LRRC74A: variants seen among roughly 807,000 people sequenced by gnomAD.
The protein encoded by LRRC74A is leucine rich repeat containing 74A, also known as leucine-rich repeat-containing protein 74A.
In LRRC74A, 44 loss-of-function variants were observed where a neutral mutation model predicts 57.9. The ratio of observed to expected loss-of-function variants is 0.76; its 90% CI spans 0.60 to 0.98. The LOEUF is 0.98. Among genes scored for constraint, LRRC74A ranks in the 50% least tolerant of loss-of-function variants. LRRC74A has a pLI of 0.00. For synonymous variants in LRRC74A, 211 were observed against 219.4 expected (o/e 0.96, Z 0.34); for missense variants, 572 against 574.0 (o/e 1.00, Z 0.04).
chr14:76,847,866 ACT>A (rs1206128685), intron 7 of LRRC74A, among the ~76,000 whole-genome samples: 1 of 151,746 alleles, frequency 6.6e-6, no homozygotes, highest in Admixed American at 6.6e-5. Context: ...AGTGAGACCC[ACT>A]CTCTACAAAA....
At chr14:76,845,144 G>A (rs780824908) in intron 7 of LRRC74A, among the ~76,000 whole-genome samples, 2 of 152,042 alleles carry the variant, frequency 1.3e-5, no homozygotes, top group Non-Finnish European at 2.9e-5. Flanking sequence ...GGCAACACAG[G>A]GACACCCTGT....
intron 13 of LRRC74A, among the ~76,000 whole-genome samples, chr14:76,867,844 G>C (rs1396012324): frequency 6.6e-6 from 1 of 152,212 alleles, no homozygotes; most frequent in South Asian, 2.1e-4. Flanking sequence ...TGTTTCAGCC[G>C]AGTCTGGCAA....
At chr14:76,836,182 C>T (rs773496643) in intron 3 of LRRC74A, 25 bp from the exon 4 acceptor site, 46 of 1,563,356 alleles carry the variant, frequency 2.9e-5, no homozygotes, top group Non-Finnish European at 3.5e-5. Context: ...CTGTGTCTCT[C>T]TCCCTCCCCT....
chr14:76,831,430 G>T, intron 3 of LRRC74A, 55 bp downstream of exon 3: 1 of 1,590,218 alleles, frequency 6.3e-7, no homozygotes, highest in Non-Finnish European at 8.6e-7. Flanking sequence ...GGTTGGCAGA[G>T]TGGTAGGCCC....
intron 10 of LRRC74A, among the ~76,000 whole-genome samples, chr14:76,860,115 T>C (rs1288562008): frequency 6.6e-6 from 1 of 152,184 alleles, no homozygotes; most frequent in African/African-American, 2.4e-5. Flanking sequence ...TTTAATTCTT[T>C]GAAAGGGCAA....
At chr14:76,831,475 C>A in intron 3 of LRRC74A, 100 bp downstream of exon 3, 1 of 1,318,206 alleles carries the variant, frequency 7.6e-7, no homozygotes, top group South Asian at 1.3e-5. Flanking sequence ...GAGCCTAAAC[C>A]CACACTTTAT....
intron 10 of LRRC74A, among the ~76,000 whole-genome samples, chr14:76,859,635 T>C (rs1012347660): frequency 2.8e-5 from 4 of 142,518 alleles, no homozygotes; most frequent in African/African-American, 1.0e-4. Flanking sequence ...TTAATAAGCC[T>C]ACCAGAACAA....
At chr14:76,837,826 G>A in intron 4 of LRRC74A, 49 bp from the exon 5 acceptor site, 1 of 1,072,694 alleles carries the variant, frequency 9.3e-7, no homozygotes, top group Non-Finnish European at 1.4e-6. Context: ...TTTCATGAGG[G>A]CCCTTTGGTG....
chr14:76,847,689 A>T (rs560503122), intron 7 of LRRC74A, among the ~76,000 whole-genome samples: 179 of 110,500 alleles, frequency 1.6e-3, no homozygotes, highest in Middle Eastern at 4.1e-3. Flanking sequence ...CTTAAAATTT[A>T]AAAAAAAAAA....
chr14:76,854,986 G>C (rs773128250), intron 9 of LRRC74A, among the ~76,000 whole-genome samples: 6 of 152,186 alleles, frequency 3.9e-5, no homozygotes, highest in Non-Finnish European at 7.3e-5. Flanking sequence ...GCAGAGGGAA[G>C]CCTGCTGTAC....
At chr14:76,866,245 C>A (rs538205987) in intron 12 of LRRC74A, among the ~76,000 whole-genome samples, 170 bp downstream of exon 12, 42 of 152,252 alleles carry the variant, frequency 2.8e-4, no homozygotes, top group African/African-American at 9.1e-4. Context: ...CAGAGGGGAA[C>A]CTAAGACCTC....
chr14:76,862,887 C>G (rs923647517), intron 11 of LRRC74A, among the ~76,000 whole-genome samples: 10 of 152,268 alleles, frequency 6.6e-5, no homozygotes, highest in African/African-American at 2.2e-4. Context: ...ATTTTAGGCT[C>G]TGAGTTCGAG....
rs759584958 is a variant in LRRC74A, at chr14:76,867,444, C to G, written c.1391+6C>G. 6.5e-7 allele frequency: 1 copy of G among 1,548,656 alleles called. No individual in the cohort carries two copies. Among genetic ancestry groups the G allele is most frequent in the Non-Finnish European group, 8.9e-7 (1 of 1,121,806 alleles). ...ACAGGCATGGTGAACTTCAGGTCAG[C>G]CCAGGCCCCGCGACGATCCCCGTTC... On this transcript the variant is annotated splice_donor_region_variant and intron_variant, in intron 13 of 13. Transcript: ENST00000689127.
intron 9 of LRRC74A, among the ~76,000 whole-genome samples, chr14:76,855,883 C>T (rs1452356623): frequency 1.3e-5 from 2 of 152,180 alleles, no homozygotes; most frequent in African/African-American, 4.8e-5. Flanking sequence ...AATGCTTTGC[C>T]TGAATTGATA....
chr14:76,867,174 A>G (rs900523248), intron 12 of LRRC74A, among the ~76,000 whole-genome samples, 182 bp from the exon 13 acceptor site: 695 of 2,406 alleles, frequency 0.29, 145 homozygotes, highest in African/African-American at 0.37. Flanking sequence ...GGTGTGTGGT[A>G]GTGTGTGTGG....
chr14:76,869,922 A>G (rs1222260833), intron 13 of LRRC74A, among the ~76,000 whole-genome samples: 1 of 151,922 alleles, frequency 6.6e-6, no homozygotes, highest in Non-Finnish European at 1.5e-5. Context: ...TTTCCCACAT[A>G]CTTATAAGTG....
chr14:76,838,141 C>T (rs144016244), intron 5 of LRRC74A, among the ~76,000 whole-genome samples, 170 bp downstream of exon 5: 7 of 152,200 alleles, frequency 4.6e-5, no homozygotes, highest in African/African-American at 1.2e-4. Context: ...CCCTAGCCCC[C>T]GCCATTTATC....
chr14:76,849,382 C>T (rs1274918042), intron 7 of LRRC74A, among the ~76,000 whole-genome samples: 3 of 151,912 alleles, frequency 2.0e-5, no homozygotes, highest in Admixed American at 1.3e-4. Context: ...GTCTCCAACA[C>T]CTGACCTCAA....
Position 76,853,263 on chromosome 14 carries a change from G to A in LRRC74A, c.810G>A (p.Gly270=). The change falls in exon 9 of 14, where the codon GGG becomes GGA. Residue 270 remains glycine, a synonymous_variant. Transcript: ENST00000689127. ...TKLDLSMNGF[G]NEVALALGEV... ...TGGATCTCTCCATGAATGGCTTTGG[G>A]AATGAGGTGGCTCTGGCCCTAGGGG... 6.2e-7 allele frequency: 1 copy of A among 1,613,692 alleles called. No homozygotes were observed. Among genetic ancestry groups the A allele is most frequent in the South Asian group, 1.1e-5 (1 of 91,072 alleles).
Sources: allele counts gnomAD v4.1 joint callset (sites outside exome capture counted in the v4.1 genomes callset), GRCh38; gene constraint gnomAD v4.1.1; transcripts MANE v1.5; gene names NCBI Gene and HGNC (gene_info 2026-07-23, HGNC 2026-07-21).